The following RCOR1 variants were observed in gnomAD, a reference collection of about 807,000 sequenced individuals.
The protein encoded by RCOR1 is REST corepressor.
RCOR1 carries 12 observed loss-of-function variants against 64.0 expected under a neutral mutation model. That is an observed-to-expected ratio of 0.19 (90% confidence interval 0.12 to 0.30). The LOEUF (loss-of-function observed/expected upper bound fraction) is 0.30, where lower values mean the gene tolerates loss of function less well. Ranked by LOEUF, RCOR1 falls within the 10% of genes least tolerant of loss-of-function variation. The pLI, the probability that RCOR1 is intolerant of heterozygous loss-of-function variation, is 1.00. For synonymous variants in RCOR1, 279 were observed against 227.2 expected (o/e 1.23, Z -2.05); for missense variants, 502 against 621.2 (o/e 0.81, Z 2.04).
chr14:102,724,671 G>A (rs1345092987), intron 11 of RCOR1, among the ~76,000 whole-genome samples: 1 of 152,076 alleles, frequency 6.6e-6, no homozygotes, highest in East Asian at 1.9e-4. Context: ...TTCTTGTAGT[G>A]CCACCCCTGC....
At chr14:102,693,468 A>C (rs1214059433) in intron 3 of RCOR1, among the ~76,000 whole-genome samples, 1 of 152,228 alleles carries the variant, frequency 6.6e-6, no homozygotes, top group Non-Finnish European at 1.5e-5. Context: ...ACTTGTTTGT[A>C]TAGCAGTGCT....
At chr14:102,647,898 C>G (rs1894509029) in intron 2 of RCOR1, among the ~76,000 whole-genome samples, 1 of 151,086 alleles carries the variant, frequency 6.6e-6, no homozygotes, top group African/African-American at 2.4e-5. Context: ...AGGCTGATCT[C>G]AAACTTCTGA....
At chr14:102,681,425 A>T (rs999554892) in intron 2 of RCOR1, among the ~76,000 whole-genome samples, 4 of 152,232 alleles carry the variant, frequency 2.6e-5, no homozygotes, top group African/African-American at 9.6e-5. Flanking sequence ...TTTGCAAAAC[A>T]GATTTTTAAG....
chr14:102,624,493 A>AAAAT (rs964913687), intron 2 of RCOR1, among the ~76,000 whole-genome samples: 10 of 151,912 alleles, frequency 6.6e-5, no homozygotes, highest in Admixed American at 2.0e-4. Context: ...GCATCAGTCT[A>AAAAT]AAATAAATAA....
chr14:102,642,426 A>G (rs544790568), intron 2 of RCOR1, among the ~76,000 whole-genome samples: 2 of 152,228 alleles, frequency 1.3e-5, no homozygotes, highest in African/African-American at 2.4e-5. Context: ...GCGTTTCTTC[A>G]TTTGTTAAGA....
chr14:102,617,876 C>T (rs1893794619), intron 2 of RCOR1, among the ~76,000 whole-genome samples: 1 of 151,964 alleles, frequency 6.6e-6, no homozygotes, highest in South Asian at 2.1e-4. Flanking sequence ...GCGTGAGCCA[C>T]CGTGCCTGGC....
chr14:102,608,900 C>T (rs1437023103), intron 2 of RCOR1, among the ~76,000 whole-genome samples: 1 of 151,338 alleles, frequency 6.6e-6, no homozygotes, highest in African/African-American at 2.4e-5. Context: ...CTTGTTGTTA[C>T]CTTTTGATTA....
At chr14:102,597,258 T>C (rs1354032678) in intron 2 of RCOR1, among the ~76,000 whole-genome samples, 1 of 152,126 alleles carries the variant, frequency 6.6e-6, no homozygotes, top group African/African-American at 2.4e-5. Flanking sequence ...ACAGGCAGCT[T>C]TTTTTCTTTT....
intron 2 of RCOR1, among the ~76,000 whole-genome samples, chr14:102,632,766 TCC>T (rs1171409734): frequency 1.5e-5 from 1 of 68,954 alleles, no homozygotes; most frequent in African/African-American, 6.4e-5. Flanking sequence ...TCCCCTCCCC[TCC>T]CCTCTCCTCC....
chr14:102,602,732 A>G (rs906973114), intron 2 of RCOR1, among the ~76,000 whole-genome samples: 1 of 151,718 alleles, frequency 6.6e-6, no homozygotes, highest in African/African-American at 2.4e-5. Context: ...TGTAGACTTG[A>G]TATCGTTCTG....
At chr14:102,612,040 C>CAG (rs1273187775) in intron 2 of RCOR1, among the ~76,000 whole-genome samples, 2 of 151,568 alleles carry the variant, frequency 1.3e-5, no homozygotes, top group African/African-American at 4.9e-5. Flanking sequence ...CTCCAGGGTT[C>CAG]AAGCGATCAT....
At chr14:102,685,251 G>A (rs1895393934) in intron 3 of RCOR1, among the ~76,000 whole-genome samples, 1 of 152,050 alleles carries the variant, frequency 6.6e-6, no homozygotes. Flanking sequence ...ACTGTTATCA[G>A]TCTGCTCATA....
chr14:102,647,246 C>G (rs1299230331), intron 2 of RCOR1, among the ~76,000 whole-genome samples: 1 of 152,192 alleles, frequency 6.6e-6, no homozygotes, highest in Non-Finnish European at 1.5e-5. Flanking sequence ...GACTGAGAAT[C>G]TGTATGACAC....
At chr14:102,717,107 A>G (rs1037996146) in intron 8 of RCOR1, among the ~76,000 whole-genome samples, 2 of 152,120 alleles carry the variant, frequency 1.3e-5, no homozygotes, top group Admixed American at 6.5e-5. Context: ...ATTACTTTTT[A>G]TAATTATTTT....
intron 2 of RCOR1, among the ~76,000 whole-genome samples, chr14:102,624,554 C>T (rs1278426049): frequency 2.6e-5 from 4 of 151,206 alleles, no homozygotes; most frequent in Admixed American, 2.6e-4. Context: ...TCGCTTGAGC[C>T]CAGGAGTTCG....
intron 3 of RCOR1, among the ~76,000 whole-genome samples, chr14:102,689,112 C>G (rs1036577112): frequency 6.6e-6 from 1 of 152,140 alleles, no homozygotes; most frequent in Non-Finnish European, 1.5e-5. Context: ...AGCAGCTGAA[C>G]GTTAACAAAG....
rs1896053697 is a variant in RCOR1 at position 102,715,544 on chromosome 14, G to A, written c.1053+927G>A. Among the ~76,000 whole-genome samples, 2 of 150,952 alleles carry A rather than the reference G, an allele frequency of 1.3e-5. 1 individual carries two copies. Among genetic ancestry groups the A allele is most frequent in the South Asian group, 4.2e-4 (2 of 4,768 alleles). On this transcript the variant is annotated intron_variant, in intron 8 of 11. Coordinates refer to ENST00000262241, the MANE Select transcript of RCOR1 (RefSeq NM_015156.4). ...GTACAGGCGCTTGTCATCACACCTGGCTAATTTTTTGTGTTTTTGGTAGAG... is the reference window on the plus strand; with the variant it reads ...GTACAGGCGCTTGTCATCACACCTGACTAATTTTTTGTGTTTTTGGTAGAG...
intron 2 of RCOR1, among the ~76,000 whole-genome samples, chr14:102,632,241 G>A (rs1218112433): frequency 6.1e-5 from 9 of 147,068 alleles, no homozygotes; most frequent in Non-Finnish European, 1.3e-4. Context: ...TTTTGAGATG[G>A]AGTCTCGCTC....
At chr14:102,640,229 C>T (rs900361634) in intron 2 of RCOR1, among the ~76,000 whole-genome samples, 1 of 152,216 alleles carries the variant, frequency 6.6e-6, no homozygotes, top group African/African-American at 2.4e-5. Context: ...AGATCGCCCA[C>T]CTCAGCCTCC....
Sources: gnomAD v4.1 joint callset for allele counts (sites outside exome capture counted in the v4.1 genomes callset) on GRCh38, gnomAD v4.1.1 for gene constraint, MANE v1.5 for transcripts, NCBI Gene and HGNC (gene_info 2026-07-23, HGNC 2026-07-21) for gene names.